Variants in RUNDC3B observed in about 807,000 individuals in gnomAD.
The protein encoded by RUNDC3B is RUN domain containing 3B, also known as RUN domain-containing protein 3B.
Under a neutral mutation model 58.4 loss-of-function variants are expected in RUNDC3B, and 33 were observed. The observed-to-expected ratio is 0.56, with a 90% CI of 0.43 to 0.75. RUNDC3B has a LOEUF of 0.75. RUNDC3B is among the 30% of genes least tolerant of loss of function. The probability of loss-of-function intolerance (pLI) is 0.00; values close to 1 mark genes in which losing one functional copy is unlikely to be tolerated. For synonymous variants in RUNDC3B, 193 were observed against 195.2 expected, an observed-to-expected ratio of 0.99 and a Z score of 0.10; for missense variants, 501 against 535.7, an observed-to-expected ratio of 0.94 and a Z score of 0.64.
intron 3 of RUNDC3B, among the ~76,000 whole-genome samples, chr7:87,703,703 C>T (rs1829289324): frequency 6.6e-6 from 1 of 151,544 alleles, no homozygotes; most frequent in African/African-American, 2.4e-5. Flanking sequence ...ATATTTAAAT[C>T]CTATTGTTAT....
intron 10 of RUNDC3B, among the ~76,000 whole-genome samples, chr7:87,828,446 T>C (rs926838681): frequency 6.6e-6 from 1 of 152,156 alleles, no homozygotes; most frequent in Admixed American, 6.6e-5. Flanking sequence ...AGTGTTTAGC[T>C]CTCACTTATA....
intron 1 of RUNDC3B, among the ~76,000 whole-genome samples, chr7:87,638,162 AC>A (rs879654978): frequency 2.0e-5 from 3 of 152,156 alleles, no homozygotes; most frequent in Non-Finnish European, 2.9e-5. Context: ...GAATAAAAAA[AC>A]AATCAGTTGT....
chr7:87,632,988 G>A (rs1281716637), intron 1 of RUNDC3B, among the ~76,000 whole-genome samples: 1 of 152,072 alleles, frequency 6.6e-6, no homozygotes, highest in Admixed American at 6.6e-5. Flanking sequence ...TAAGCACGGT[G>A]GAGACAAGTG....
intron 4 of RUNDC3B, among the ~76,000 whole-genome samples, chr7:87,729,784 C>T (rs1188439207): frequency 2.6e-5 from 4 of 152,214 alleles, no homozygotes; most frequent in Non-Finnish European, 5.9e-5. Context: ...GCCCCAAACA[C>T]AGGCAGCACA....
At chr7:87,804,344 A>G (rs1401114952) in intron 8 of RUNDC3B, among the ~76,000 whole-genome samples, 1 of 152,186 alleles carries the variant, frequency 6.6e-6, no homozygotes, top group Non-Finnish European at 1.5e-5. Context: ...TTTAAGCTTT[A>G]CAAGTGTCAG....
chr7:87,768,479 G>A (rs375715081), intron 6 of RUNDC3B, among the ~76,000 whole-genome samples: 3 of 152,190 alleles, frequency 2.0e-5, no homozygotes, highest in Admixed American at 6.5e-5. Flanking sequence ...AACGAGTATC[G>A]CACCCACTGC....
At chr7:87,761,758 T>A (rs1408746985) in intron 6 of RUNDC3B, among the ~76,000 whole-genome samples, 2 of 151,840 alleles carry the variant, frequency 1.3e-5, no homozygotes, top group African/African-American at 4.8e-5. Flanking sequence ...AAGTACACTT[T>A]GTGTTTTTGT....
At chr7:87,765,544 G>A (rs1833931197) in intron 6 of RUNDC3B, among the ~76,000 whole-genome samples, 1 of 151,730 alleles carries the variant, frequency 6.6e-6, no homozygotes, top group Non-Finnish European at 1.5e-5. Context: ...GCCTTATTTT[G>A]TTTACCCAAA....
At chr7:87,741,624 T>A (rs199842147) in intron 6 of RUNDC3B, 45 bp downstream of exon 6, 1 of 1,081,310 alleles carries the variant, frequency 9.2e-7, no homozygotes, top group Non-Finnish European at 1.4e-6. Flanking sequence ...TTATTTAAAA[T>A]TGAATGTCTT....
chr7:87,793,835 G>A (rs1204935746), intron 8 of RUNDC3B, among the ~76,000 whole-genome samples: 1 of 152,012 alleles, frequency 6.6e-6, no homozygotes, highest in Non-Finnish European at 1.5e-5. Context: ...CCTAGCTAGA[G>A]CAATCAGAGA....
intron 7 of RUNDC3B, among the ~76,000 whole-genome samples, chr7:87,773,055 G>A (rs950937932): frequency 4.0e-5 from 6 of 151,710 alleles, no homozygotes; most frequent in African/African-American, 1.2e-4. Flanking sequence ...CGGGCCTGGC[G>A]ACTCACGCCT....
At chr7:87,752,040 A>G (rs986378985) in intron 6 of RUNDC3B, among the ~76,000 whole-genome samples, 5 of 152,170 alleles carry the variant, frequency 3.3e-5, no homozygotes, top group Admixed American at 2.0e-4. Context: ...TCATTTTGAA[A>G]TATGTCCCAT....
intron 3 of RUNDC3B, among the ~76,000 whole-genome samples, chr7:87,707,369 T>C (rs1829695613): frequency 6.6e-6 from 1 of 152,120 alleles, no homozygotes; most frequent in Non-Finnish European, 1.5e-5. Context: ...ATAAAATTAC[T>C]AGATTATTGG....
chr7:87,749,734 A>G (rs1584093893), intron 6 of RUNDC3B, among the ~76,000 whole-genome samples: 1 of 152,138 alleles, frequency 6.6e-6, no homozygotes. Context: ...TATAAAATAA[A>G]TAAAGATAGC....
intron 4 of RUNDC3B, among the ~76,000 whole-genome samples, chr7:87,734,740 A>C (rs1831819236): frequency 6.6e-6 from 1 of 152,108 alleles, no homozygotes; most frequent in Admixed American, 6.6e-5. Context: ...GAATACCAAT[A>C]ATCTACAAGC....
At chr7:87,818,184 A>C (rs1837183029) in intron 10 of RUNDC3B, among the ~76,000 whole-genome samples, 1 of 152,168 alleles carries the variant, frequency 6.6e-6, no homozygotes, top group African/African-American at 2.4e-5. Flanking sequence ...ATTTTATTCT[A>C]ATTTTTAATT....
chr7:87,671,255 A>G (rs1825799858), intron 2 of RUNDC3B, among the ~76,000 whole-genome samples: 2 of 152,118 alleles, frequency 1.3e-5, no homozygotes, highest in African/African-American at 4.8e-5. Context: ...TGGACACGAC[A>G]CTTAGGGTTT....
intron 1 of RUNDC3B, chr7:87,629,405 G>GT (rs1161236021): frequency 6.5e-6 from 1 of 153,300 alleles, no homozygotes; most frequent in Non-Finnish European, 1.5e-5. Flanking sequence ...CATTTCACAC[G>GT]TTAGTTGAGT....
intron 4 of RUNDC3B, among the ~76,000 whole-genome samples, chr7:87,720,500 C>A (rs528070518): frequency 8.5e-4 from 125 of 147,568 alleles, no homozygotes; most frequent in African/African-American, 3.1e-3. Context: ...CAAATCTAAG[C>A]AAAAGATAGG....
Sources: allele counts gnomAD v4.1 joint callset (sites outside exome capture counted in the v4.1 genomes callset), GRCh38; gene constraint gnomAD v4.1.1; transcripts MANE v1.5; gene names NCBI Gene and HGNC (gene_info 2026-07-23, HGNC 2026-07-21).